Variants in UCHL3 observed in about 807,000 individuals in gnomAD.
The protein encoded by UCHL3 is ubiquitin C-terminal hydrolase L3.
Under a neutral mutation model 35.8 loss-of-function variants are expected in UCHL3, and 22 were observed. The observed-to-expected ratio is 0.61, with a 90% confidence interval of 0.44 to 0.88. The LOEUF (loss-of-function observed/expected upper bound fraction) is 0.88. Among genes scored for constraint, UCHL3 ranks in the 40% least tolerant of loss-of-function variants. The pLI is 0.00. For missense variants in UCHL3, 229 were observed against 276.9 expected (o/e 0.83, Z 1.23); for synonymous variants, 90 against 92.8 (o/e 0.97, Z 0.17).
chr13:75,598,168 T>C (rs1329290728), intron 7 of UCHL3, among the ~76,000 whole-genome samples: 3 of 152,176 alleles, frequency 2.0e-5, no homozygotes, highest in Non-Finnish European at 4.4e-5. Context: ...CTTAAGATGT[T>C]TGTAGAAGTT....
At chr13:75,584,477 C>G (rs955825669) in intron 6 of UCHL3, among the ~76,000 whole-genome samples, 1 of 152,052 alleles carries the variant, frequency 6.6e-6, no homozygotes, top group Non-Finnish European at 1.5e-5. Context: ...ACAATAAAAC[C>G]CAAACAGTAA....
Position 75,578,644 on chromosome 13 carries a change from T to C in UCHL3, c.474+9137T>C, listed in dbSNP as rs189214182. Among the ~76,000 whole-genome samples, 4 of 152,236 alleles carry C rather than the reference T, an allele frequency of 2.6e-5. 1 individual carries two copies. The highest frequency in any genetic ancestry group is 9.6e-5 in the African/African-American group (4 of 41,590). On this transcript the variant is annotated intron_variant, in intron 6 of 8. Coordinates refer to ENST00000377595, the MANE Select transcript of UCHL3 (RefSeq NM_006002.5). ...AGGGGGAAATAACATGTTTGATTGCTAATGATACTTAAAAGATCTTTAGTA... is the reference window on the plus strand; with the variant it reads ...AGGGGGAAATAACATGTTTGATTGCCAATGATACTTAAAAGATCTTTAGTA...
chr13:75,604,075 G>A (rs1050331797), intron 7 of UCHL3, among the ~76,000 whole-genome samples: 4 of 151,930 alleles, frequency 2.6e-5, no homozygotes, highest in Admixed American at 6.6e-5. Context: ...CCATGGAATC[G>A]TAGAAGGGGC....
At chr13:75,560,680 T>C in intron 2 of UCHL3, 73 bp from the exon 3 acceptor site, 1 of 1,373,556 alleles carries the variant, frequency 7.3e-7, no homozygotes, top group Non-Finnish European at 9.8e-7. Flanking sequence ...CTTTTAACAC[T>C]ATGTATAGTA....
chr13:75,605,280 G>C (rs2032906342), intron 8 of UCHL3, among the ~76,000 whole-genome samples: 1 of 152,174 alleles, frequency 6.6e-6, no homozygotes, highest in South Asian at 2.1e-4. Context: ...GGCCGAGGCG[G>C]GTGGATCACC....
At chr13:75,575,958 G>A (rs2032009883) in intron 6 of UCHL3, among the ~76,000 whole-genome samples, 1 of 151,852 alleles carries the variant, frequency 6.6e-6, no homozygotes, top group Admixed American at 6.6e-5. Context: ...TGCCATGTTG[G>A]CTAGGCTGAT....
intron 2 of UCHL3, 85 bp downstream of exon 2, chr13:75,550,072 T>C: frequency 3.1e-6 from 5 of 1,596,050 alleles, no homozygotes; most frequent in Non-Finnish European, 4.3e-6. Context: ...CCTCCACGCT[T>C]CCAGGGATTC....
Position 75,580,622 on chromosome 13 carries a change from T to G in UCHL3, c.474+11115T>G, listed in dbSNP as rs185939544. On this transcript the variant is annotated intron_variant, in intron 6 of 8. Coordinates refer to ENST00000377595, the MANE Select transcript of UCHL3 (RefSeq NM_006002.5). ...TCAAGTATTCTCACCTTCTTAATTC[T>G]TACTCCTTTTGAAAGTATGTCTACC... Among the ~76,000 whole-genome samples, 16 of 152,334 alleles carry G rather than the reference T, an allele frequency of 1.1e-4. No individual in the cohort carries two copies. In the East Asian group the frequency reaches 2.3e-3, roughly 22 times the overall value.
intron 2 of UCHL3, among the ~76,000 whole-genome samples, chr13:75,554,650 C>T (rs1322294891): frequency 1.3e-5 from 2 of 152,172 alleles, no homozygotes; most frequent in Non-Finnish European, 2.9e-5. Context: ...TCCATATGCA[C>T]CCAAAGTGGC....
chr13:75,549,809 G>A lies in UCHL3; in HGVS notation c.-12G>A. ...GGCGGCTGTCAGAGCTGGAGGGCCG[G>A]GCACCGCGGCCATGGAGGGTCAACG... On this transcript the variant is annotated 5_prime_UTR_variant, in exon 1 of 9. Transcript: ENST00000377595. 6.5e-7 allele frequency: 1 copy of A among 1,548,712 alleles called. No individual in the cohort carries two copies. The highest frequency in any genetic ancestry group is 1.4e-5 in the African/African-American group (1 of 72,540).
chr13:75,577,337 C>A (rs1289242072), intron 6 of UCHL3, among the ~76,000 whole-genome samples: 1 of 152,094 alleles, frequency 6.6e-6, no homozygotes, highest in East Asian at 1.9e-4. Flanking sequence ...ATTCTCTAAA[C>A]AATATAGTAT....
chr13:75,576,069 T>C (rs1218408100), intron 6 of UCHL3, among the ~76,000 whole-genome samples: 1 of 152,006 alleles, frequency 6.6e-6, no homozygotes, highest in Admixed American at 6.6e-5. Flanking sequence ...TCAATAAAAG[T>C]TTGACAGCTA....
intron 6 of UCHL3, among the ~76,000 whole-genome samples, chr13:75,575,327 G>A (rs1219227794): frequency 6.6e-6 from 1 of 152,138 alleles, no homozygotes; most frequent in Non-Finnish European, 1.5e-5. Context: ...TACACTGAAA[G>A]GTATTGCTTT....
rs1214613299 is a variant in UCHL3, at chr13:75,604,773, G to A, written c.555G>A (p.Gly185=). Residue 185 remains glycine, a synonymous_variant, in exon 8 of 9, where the codon GGG becomes GGA. Transcript: ENST00000377595. ...TTGTTTGTCTGTTTTCCACAGATGG[G>A]CGGAAGCCATTTCCAATTAACCATG... ...HVDGHLYELD[G]RKPFPINHGE... The A allele has an allele frequency of 6.3e-7, 1 of 1,597,056 alleles. No homozygotes were observed. The highest frequency in any genetic ancestry group is 1.7e-5 in the Admixed American group (1 of 57,280).
intron 3 of UCHL3, among the ~76,000 whole-genome samples, chr13:75,563,519 A>T (rs1566212586): frequency 6.6e-6 from 1 of 152,176 alleles, no homozygotes; most frequent in Non-Finnish European, 1.5e-5. Context: ...TATTGTGTAT[A>T]TTTGAAGTTT....
chr13:75,574,028 T>C (rs1299144213), intron 6 of UCHL3, among the ~76,000 whole-genome samples: 1 of 152,144 alleles, frequency 6.6e-6, no homozygotes, highest in East Asian at 1.9e-4. Context: ...CCATCCTGGC[T>C]AACACAGTGA....
At chr13:75,556,781 T>A (rs1298489520) in intron 2 of UCHL3, among the ~76,000 whole-genome samples, 1 of 152,114 alleles carries the variant, frequency 6.6e-6, no homozygotes, top group East Asian at 1.9e-4. Flanking sequence ...GAGAATAAAG[T>A]ACCAAAAAGA....
chr13:75,575,231 T>C (rs999338427), intron 6 of UCHL3, among the ~76,000 whole-genome samples: 1 of 152,186 alleles, frequency 6.6e-6, no homozygotes, highest in Non-Finnish European at 1.5e-5. Flanking sequence ...TTTACCTACT[T>C]TTCTCCATCC....
intron 7 of UCHL3, among the ~76,000 whole-genome samples, chr13:75,603,435 GC>G (rs1366995397): frequency 6.6e-6 from 1 of 152,124 alleles, no homozygotes; most frequent in Non-Finnish European, 1.5e-5. Context: ...GTTAAGTTCA[GC>G]CTGGGGAATA....
Sources: gnomAD v4.1 joint callset for allele counts (sites outside exome capture counted in the v4.1 genomes callset) on GRCh38, gnomAD v4.1.1 for gene constraint, MANE v1.5 for transcripts, NCBI Gene and HGNC (gene_info 2026-07-23, HGNC 2026-07-21) for gene names.